Variants in TAF1B observed in about 807,000 individuals in gnomAD.
The protein encoded by TAF1B is TATA-box binding protein associated factor, RNA polymerase I subunit B.
Under a neutral mutation model 83.9 loss-of-function variants are expected in TAF1B, and 61 were observed. The ratio of observed to expected loss-of-function variants is 0.73; its 90% CI spans 0.59 to 0.90. The LOEUF is 0.90. TAF1B is among the 40% of genes least tolerant of loss of function. TAF1B has a pLI of 0.00. For synonymous variants in TAF1B, 221 were observed against 224.6 expected, an observed-to-expected ratio of 0.98 and a Z score of 0.14; for missense variants, 625 against 677.0, an observed-to-expected ratio of 0.92 and a Z score of 0.85.
At chr2:9,865,730 A>G (rs2125144588) in intron 5 of TAF1B, among the ~76,000 whole-genome samples, 1 of 151,948 alleles carries the variant, frequency 6.6e-6, no homozygotes, top group Non-Finnish European at 1.5e-5. Flanking sequence ...ACTGGTACCA[A>G]AACAGAGATA....
In TAF1B at chr2:9,933,965, A is replaced by G; in HGVS notation, c.1748A>G (p.Lys583Arg). 1 of 1,601,880 alleles carries G rather than the reference A, an allele frequency of 6.2e-7. No individual in the cohort carries two copies. Reference protein sequence around the residue: ...YSVKRKKSRSKKVRRH With the variant: ...YSVKRKKSRSRKVRRH ...GTAAAAAGAAAGAAATCAAGATCCAAGAAAGTGAGACGACATTGAGAAAAT... is the reference window on the plus strand; with the variant it reads ...GTAAAAAGAAAGAAATCAAGATCCAGGAAAGTGAGACGACATTGAGAAAAT... The change falls in exon 15 of 15, where the codon AAG (lysine) becomes AGG (arginine). Residue 583 changes from lysine (K) to arginine (R), a missense_variant. Transcript: ENST00000263663.
intron 7 of TAF1B, among the ~76,000 whole-genome samples, chr2:9,882,289 G>A (rs771175426): frequency 6.6e-6 from 1 of 151,936 alleles, no homozygotes; most frequent in Non-Finnish European, 1.5e-5. Context: ...TAATAGAGAC[G>A]GGGTTTCACC....
At chr2:9,904,581 T>C (rs1448079846) in intron 8 of TAF1B, among the ~76,000 whole-genome samples, 1 of 152,202 alleles carries the variant, frequency 6.6e-6, no homozygotes, top group Non-Finnish European at 1.5e-5. Flanking sequence ...CATGTGTCAA[T>C]GACATATTCC....
rs538073502 is a variant in TAF1B, at chr2:9,918,021, G to A, written c.1272-1020G>A. 4.0e-5 allele frequency among the ~76,000 whole-genome samples: 6 copies of A among 150,310 alleles called. No individual in the cohort carries two copies. In the South Asian group the frequency reaches 1.1e-3, roughly 27 times the overall value. On this transcript the variant is annotated intron_variant, in intron 12 of 14. Coordinates refer to ENST00000263663, the MANE Select transcript of TAF1B (RefSeq NM_005680.3). ...CGGGAGGCGGAGCTTGCAGTGAGCC[G>A]AGATCCCACCACTGCACTCCAGCCT...
At chr2:9,848,666 C>CAAAA (rs3032346) in intron 2 of TAF1B, among the ~76,000 whole-genome samples, 1 of 140,208 alleles carries the variant, frequency 7.1e-6, no homozygotes, top group Non-Finnish European at 1.5e-5. Context: ...AACTCCCTCT[C>CAAAA]AAAAAAAAAA....
At chr2:9,886,569 C>T (rs1664678913) in intron 8 of TAF1B, among the ~76,000 whole-genome samples, 1 of 152,132 alleles carries the variant, frequency 6.6e-6, no homozygotes, top group African/African-American at 2.4e-5. Context: ...CTCACATAGA[C>T]ACTCAAATTT....
At chr2:9,851,460 A>T in intron 3 of TAF1B, 81 bp from the exon 4 acceptor site, 2 of 1,155,550 alleles carry the variant, frequency 1.7e-6, no homozygotes, top group East Asian at 4.9e-5. Context: ...CGCAATGTGT[A>T]AAACACAAAT....
chr2:9,885,109 G>C (rs1485915117), intron 8 of TAF1B, among the ~76,000 whole-genome samples: 1 of 152,182 alleles, frequency 6.6e-6, no homozygotes, highest in South Asian at 2.1e-4. Flanking sequence ...TGGAGAACTA[G>C]GATAGTGAGA....
chr2:9,927,034 C>T (rs1172680406), intron 14 of TAF1B, among the ~76,000 whole-genome samples: 5 of 136,040 alleles, frequency 3.7e-5, no homozygotes, highest in East Asian at 2.3e-4. Flanking sequence ...CCCCACCCCA[C>T]GACAGGCCCC....
chr2:9,920,581 G>GGGGGT lies in TAF1B; in HGVS notation c.1565+765_1565+766insTGGGG, dbSNP rs1194571233. On this transcript the variant is annotated intron_variant, in intron 14 of 14. Transcript: ENST00000263663. Reference sequence around the variant, plus strand: ...GGTATGGCGTCTGTAGACTGGGGCGGGGGGCGGGGGGTCCATTTGCCCCTC... The same window carrying GGGGGT: ...GGTATGGCGTCTGTAGACTGGGGCGGGGGGTGGGGCGGGGGGTCCATTTGCCCCTC... Among the ~76,000 whole-genome samples the GGGGGT allele has an allele frequency of 9.2e-5, 11 of 119,806 alleles. 1 individual carries two copies. The highest frequency in any genetic ancestry group is 3.2e-4 in the South Asian group (1 of 3,098). 78.6% of individuals were successfully genotyped at this position (119,806 alleles called of 152,430 possible). A position where few individuals can be genotyped will look rare whatever the true frequency, so the allele number is the denominator to read the frequency against.
chr2:9,895,813 CTTT>C lies in TAF1B; in HGVS notation c.808-9025_808-9023del, dbSNP rs34044860. 2.1e-3 allele frequency among the ~76,000 whole-genome samples: 233 copies of C among 112,440 alleles called. 2 individuals carry two copies. The highest frequency in any genetic ancestry group is 3.5e-3 in the South Asian group (11 of 3,148). 73.8% of individuals were successfully genotyped at this position (112,440 alleles called of 152,430 possible). On this transcript the variant is annotated intron_variant, in intron 8 of 14. Coordinates refer to ENST00000263663, the MANE Select transcript of TAF1B (RefSeq NM_005680.3). The stretch of plus-strand genomic sequence containing the variant: ...ATAAGTAAGGGTGAGGCACTGCACT[CTTT>C]TTTTTTTTTTTTTTTTTTTTAAATA...
intron 5 of TAF1B, among the ~76,000 whole-genome samples, chr2:9,867,721 T>TA (rs1664034189): frequency 6.6e-6 from 1 of 152,180 alleles, no homozygotes; most frequent in Non-Finnish European, 1.5e-5. Flanking sequence ...TGTGAACAGT[T>TA]AAACAGTAGT....
intron 7 of TAF1B, among the ~76,000 whole-genome samples, chr2:9,876,759 A>G (rs1006828194): frequency 5.9e-5 from 9 of 152,198 alleles, no homozygotes; most frequent in African/African-American, 2.2e-4. Flanking sequence ...TGAGTAAGTC[A>G]TTTAATTTGT....
intron 7 of TAF1B, among the ~76,000 whole-genome samples, chr2:9,877,953 C>T (rs1664373582): frequency 6.6e-6 from 1 of 152,034 alleles, no homozygotes; most frequent in Non-Finnish European, 1.5e-5. Context: ...CTGTGGAATA[C>T]ACAAGTTTGG....
rs759003028 is a variant in TAF1B, at chr2:9,871,087, G to GT, written c.553+2668dup. 2.2e-3 allele frequency among the ~76,000 whole-genome samples: 324 copies of GT among 147,742 alleles called. 5 individuals are homozygous for GT. Among genetic ancestry groups the GT allele is most frequent in the Middle Eastern group, 0.014 (4 of 284 alleles). ...TTAGGATCTCTCCTTTTTTGTTGTT[G>GT]TTTTTTTTTTGAGATGGTGTCTTGC... On this transcript the variant is annotated intron_variant, in intron 6 of 14. Coordinates refer to ENST00000263663, the MANE Select transcript of TAF1B (RefSeq NM_005680.3).
intron 14 of TAF1B, among the ~76,000 whole-genome samples, chr2:9,933,013 G>A (rs1318727993): frequency 6.6e-6 from 1 of 152,258 alleles, no homozygotes; most frequent in African/African-American, 2.4e-5. Context: ...TGTGCCGTTT[G>A]CTAAGACCAT....
intron 8 of TAF1B, among the ~76,000 whole-genome samples, chr2:9,903,990 G>A (rs1665267448): frequency 1.3e-5 from 2 of 152,168 alleles, no homozygotes; most frequent in African/African-American, 4.8e-5. Context: ...CTCCCTTCAT[G>A]CTTTTCTCCA....
chr2:9,928,528 A>G (rs1157886874), intron 14 of TAF1B, among the ~76,000 whole-genome samples: 1 of 151,992 alleles, frequency 6.6e-6, no homozygotes, highest in African/African-American at 2.4e-5. Flanking sequence ...GTCCTCTTTT[A>G]TTTCGTTGAG....
At chr2:9,882,550 G>T (rs1664542633) in intron 7 of TAF1B, among the ~76,000 whole-genome samples, 156 bp from the exon 8 acceptor site, 2 of 152,180 alleles carry the variant, frequency 1.3e-5, no homozygotes, top group African/African-American at 4.8e-5. Flanking sequence ...GAGAATAATA[G>T]ATATGATTAG....
Sources: allele counts gnomAD v4.1 joint callset (sites outside exome capture counted in the v4.1 genomes callset), GRCh38; gene constraint gnomAD v4.1.1; transcripts MANE v1.5; gene names NCBI Gene and HGNC (gene_info 2026-07-23, HGNC 2026-07-21).